The following SETBP1 variants were observed in gnomAD, a reference collection of about 807,000 sequenced individuals.
SETBP1 encodes the protein SET-binding protein.
A neutral mutation model predicts 101.0 loss-of-function variants in SETBP1; 9 were observed. The observed-to-expected ratio is 0.09, with a 90% CI of 0.05 to 0.16. The LOEUF (loss-of-function observed/expected upper bound fraction) is 0.16. Ranked by LOEUF, SETBP1 falls within the 10% of genes least tolerant of loss-of-function variation. The probability of loss-of-function intolerance (pLI) is 1.00; values close to 1 mark genes in which losing one functional copy is unlikely to be tolerated. For synonymous variants in SETBP1, 818 were observed against 788.5 expected (o/e 1.04, Z -0.63); for missense variants, 1,858 against 2,033.8 (o/e 0.91, Z 1.66).
Position 44,951,293 on chromosome 18 carries a change from A to G in SETBP1, c.1953A>G (p.Lys651=), listed in dbSNP as rs759208427. ...TGAGCGAGATGAAATTTCACAAGAA[A>G]GTTGGAAAGCTCGGCGTGTTGGATA... ...KPMSEMKFHK[K]VGKLGVLDKK... is the part of the protein sequence containing the mutation. Residue 651 remains lysine, a synonymous_variant, in exon 4 of 6, where the codon AAA becomes AAG. Transcript: ENST00000649279. The surrounding 1 kb of genome is among the most constrained non-coding windows in gnomAD (Gnocchi z 7.8). 2 of 1,613,676 alleles carry G rather than the reference A, an allele frequency of 1.2e-6. No homozygotes were observed. The highest frequency in any genetic ancestry group is 4.5e-5 in the East Asian group (2 of 44,884).
At chr18:44,715,788 C>T (rs1400935479) in intron 2 of SETBP1, among the ~76,000 whole-genome samples, 1 of 152,080 alleles carries the variant, frequency 6.6e-6, no homozygotes, top group Non-Finnish European at 1.5e-5. Flanking sequence ...CCTTTTATTC[C>T]CTGGCCTCTC....
chr18:45,017,083 TC>T (rs1456056656), intron 4 of SETBP1, among the ~76,000 whole-genome samples: 1 of 152,052 alleles, frequency 6.6e-6, no homozygotes, highest in Non-Finnish European at 1.5e-5. Context: ...TGTGGGGACT[TC>T]CATATAAAAA....
chr18:44,844,106 G>C (rs1322878439), intron 2 of SETBP1, among the ~76,000 whole-genome samples: 1 of 151,980 alleles, frequency 6.6e-6, no homozygotes, highest in African/African-American at 2.4e-5. Flanking sequence ...ACAGTTATTT[G>C]GGATGAGGGA....
At chr18:44,765,156 T>G (rs2070738229) in intron 2 of SETBP1, among the ~76,000 whole-genome samples, 1 of 152,146 alleles carries the variant, frequency 6.6e-6, no homozygotes, top group African/African-American at 2.4e-5. Context: ...CACCTAGAGC[T>G]CACAAACCAC....
intron 1 of SETBP1, among the ~76,000 whole-genome samples, chr18:44,688,423 G>C (rs1269399212): frequency 6.6e-6 from 1 of 151,976 alleles, no homozygotes; most frequent in Non-Finnish European, 1.5e-5. Flanking sequence ...GTCCTGTACA[G>C]TTGTTGGTGT....
At chr18:44,759,118 T>C (rs916232900) in intron 2 of SETBP1, among the ~76,000 whole-genome samples, 1 of 152,206 alleles carries the variant, frequency 6.6e-6, no homozygotes, top group Non-Finnish European at 1.5e-5. Context: ...GTCAGTTTTT[T>C]TGTGATGTGG....
intron 4 of SETBP1, chr18:44,969,993 A>G (rs2071806845): frequency 6.5e-6 from 1 of 154,548 alleles, no homozygotes; most frequent in East Asian, 1.9e-4. Flanking sequence ...CCTTGAGTCA[A>G]AGAATCCTAA....
intron 3 of SETBP1, among the ~76,000 whole-genome samples, chr18:44,941,076 A>AATTTT (rs1568228554): frequency 8.0e-6 from 1 of 124,940 alleles, no homozygotes; most frequent in African/African-American, 2.9e-5. Context: ...GAGAAGTCAG[A>AATTTT]CTTTTTTTTT....
intron 3 of SETBP1, among the ~76,000 whole-genome samples, chr18:44,931,574 A>G (rs1275244225): frequency 6.6e-6 from 1 of 152,128 alleles, no homozygotes; most frequent in Non-Finnish European, 1.5e-5. Context: ...GTGGGAGTCT[A>G]AGTCTCTTTG....
chr18:44,712,807 C>CATCT (rs2069373597), intron 2 of SETBP1, among the ~76,000 whole-genome samples: 1 of 152,068 alleles, frequency 6.6e-6, no homozygotes, highest in African/African-American at 2.4e-5. Context: ...GAGAATCAGG[C>CATCT]ATCTGGTCAT....
At chr18:44,818,753 T>TCACACACA (rs34683605) in intron 2 of SETBP1, among the ~76,000 whole-genome samples, 1 of 140,572 alleles carries the variant, frequency 7.1e-6, no homozygotes, top group Non-Finnish European at 1.6e-5. Flanking sequence ...ACGCACACAC[T>TCACACACA]CACACACACA....
intron 2 of SETBP1, among the ~76,000 whole-genome samples, chr18:44,844,672 A>G (rs140486994): frequency 0.011 from 1,598 of 152,098 alleles, 30 homozygotes; most frequent in African/African-American, 0.036. Context: ...GCTCTTACCA[A>G]CAAGCGGGAG....
chr18:44,861,229 CTTTTTTTTTTTTTTTT>C (rs775284488), intron 2 of SETBP1, among the ~76,000 whole-genome samples: 3 of 88,348 alleles, frequency 3.4e-5, no homozygotes, highest in African/African-American at 8.8e-5. Flanking sequence ...TTTTTCTTTT[CTTTTTTTTTTTTTTTT>C]TTTTTTTTTT....
intron 2 of SETBP1, among the ~76,000 whole-genome samples, chr18:44,848,944 T>C (rs1357210642): frequency 6.6e-6 from 1 of 152,258 alleles, no homozygotes; most frequent in African/African-American, 2.4e-5. Flanking sequence ...GTCAGTTTCC[T>C]GACACTCACT....
intron 2 of SETBP1, among the ~76,000 whole-genome samples, chr18:44,840,290 A>T (rs538048302): frequency 1.3e-5 from 2 of 152,218 alleles, no homozygotes; most frequent in Admixed American, 6.5e-5. Context: ...ATGAGCCAGC[A>T]TGCCTTTTGG....
At chr18:45,027,438 A>T (rs1204938714) in intron 4 of SETBP1, among the ~76,000 whole-genome samples, 1 of 152,186 alleles carries the variant, frequency 6.6e-6, no homozygotes, top group East Asian at 1.9e-4. Flanking sequence ...CAGTCTCTTA[A>T]CTTTCATATT....
chr18:44,943,206 T>C (rs1311951513), intron 3 of SETBP1, among the ~76,000 whole-genome samples: 1 of 152,208 alleles, frequency 6.6e-6, no homozygotes, highest in Non-Finnish European at 1.5e-5. Flanking sequence ...AATTTTTCAG[T>C]TTTGTTTTAA....
In SETBP1 at chr18:45,067,171, T is replaced by C. The variant is rs2073979017; in HGVS notation, c.*3473T>C. ...GGCTGCTGTCCGGACTAGGAGGCCA[T>C]GTTCAATGGCAGTCAGAATTTGTGT... is the stretch of plus-strand genomic sequence containing the variant. On this transcript the variant is annotated 3_prime_UTR_variant, in exon 6 of 6. Transcript: ENST00000649279. 1 of 152,208 alleles carries C rather than the reference T, an allele frequency of 6.6e-6. No homozygotes were observed. The highest frequency in any genetic ancestry group is 2.4e-5 in the African/African-American group (1 of 41,454). 9.4% of individuals were successfully genotyped at this position (152,208 alleles called of 1,614,324 possible).
At chr18:44,800,268 T>C (rs2071577637) in intron 2 of SETBP1, among the ~76,000 whole-genome samples, 1 of 152,186 alleles carries the variant, frequency 6.6e-6, no homozygotes, top group Admixed American at 6.5e-5. Context: ...CTGCTTTGGA[T>C]GTCATTTCCT....
Sources: gnomAD v4.1 joint callset for allele counts (sites outside exome capture counted in the v4.1 genomes callset) on GRCh38, gnomAD v4.1.1 for gene constraint, Gnocchi (gnomAD v3.1) non-coding constraint, MANE v1.5 for transcripts, NCBI Gene and HGNC (gene_info 2026-07-23, HGNC 2026-07-21) for gene names.